PAG1: variants seen among roughly 807,000 people sequenced by gnomAD.
PAG1 encodes phosphoprotein membrane anchor with glycosphingolipid microdomains 1, also known as phosphoprotein associated with glycosphingolipid-enriched microdomains 1.
Under a neutral mutation model 31.7 loss-of-function variants are expected in PAG1, and 23 were observed. The observed-to-expected ratio is 0.73, with a 90% CI of 0.52 to 1.03. The LOEUF is 1.03. PAG1 is among the 50% of genes least tolerant of loss of function. The probability of loss-of-function intolerance (pLI) is 0.00; values close to 1 mark genes in which losing one functional copy is unlikely to be tolerated. For missense variants in PAG1, 473 were observed against 540.7 expected (o/e 0.87, Z 1.24); for synonymous variants, 214 against 210.3 (o/e 1.02, Z -0.15).
At chr8:80,985,434 C>T (rs746514089) in intron 6 of PAG1, 57 bp from the exon 7 acceptor site, 26 of 1,523,144 alleles carry the variant, frequency 1.7e-5, no homozygotes, top group Middle Eastern at 1.9e-4. Flanking sequence ...TAATTATTAC[C>T]GAGAATCAGG....
intron 1 of PAG1, among the ~76,000 whole-genome samples, chr8:81,101,920 C>T (rs144109613): frequency 3.7e-4 from 56 of 152,126 alleles, no homozygotes; most frequent in African/African-American, 1.3e-3. Context: ...ACTCCTAGTA[C>T]ATAATATTAA....
In PAG1 at chr8:81,077,782, A is replaced by G. The variant is rs539950589; in HGVS notation, c.-233-7612T>C. On this transcript the variant is annotated intron_variant, in intron 1 of 8. Coordinates refer to ENST00000220597, the MANE Select transcript of PAG1 (RefSeq NM_018440.4). ...TGAAAATAATATGTAAATTTTGCTG[A>G]AAGCAAAATGTTTAGATTGGTTAGA... 5.3e-5 allele frequency among the ~76,000 whole-genome samples: 8 copies of G among 152,356 alleles called. No individual in the cohort carries two copies. The East Asian group carries it at 1.4e-3, about 26-fold the overall frequency.
intron 2 of PAG1, among the ~76,000 whole-genome samples, chr8:81,049,910 T>C (rs1808700209): frequency 6.6e-6 from 1 of 152,126 alleles, no homozygotes; most frequent in Non-Finnish European, 1.5e-5. Flanking sequence ...TCAGTAAATA[T>C]TTACTGAGTA....
At chr8:80,994,849 T>C (rs1205785825) in intron 3 of PAG1, among the ~76,000 whole-genome samples, 2 of 152,216 alleles carry the variant, frequency 1.3e-5, no homozygotes, top group African/African-American at 2.4e-5. Flanking sequence ...TGAAAAGAAA[T>C]AGCCTTTAAG....
chr8:81,042,046 C>T (rs546972436), intron 2 of PAG1, among the ~76,000 whole-genome samples: 1 of 152,286 alleles, frequency 6.6e-6, no homozygotes, highest in East Asian at 1.9e-4. Flanking sequence ...AAATAAATGA[C>T]ATAGATTAGT....
At chr8:80,992,643 T>G (rs746768826) in intron 4 of PAG1, among the ~76,000 whole-genome samples, 1 of 152,172 alleles carries the variant, frequency 6.6e-6, no homozygotes, top group Non-Finnish European at 1.5e-5. Flanking sequence ...CCTTGGAAAA[T>G]AATCTGTTTC....
chr8:81,005,052 G>T (rs2130620405), intron 3 of PAG1, among the ~76,000 whole-genome samples: 1 of 152,306 alleles, frequency 6.6e-6, no homozygotes, highest in East Asian at 1.9e-4. Flanking sequence ...TGCAAGAGGT[G>T]ACACATGCAT....
chr8:81,022,800 TAGG>T (rs1808213044), intron 3 of PAG1, among the ~76,000 whole-genome samples: 1 of 152,156 alleles, frequency 6.6e-6, no homozygotes. Context: ...CAGGAAATTA[TAGG>T]AGATTTTTCT....
chr8:81,059,131 T>A (rs903774347), intron 2 of PAG1, among the ~76,000 whole-genome samples: 1 of 152,062 alleles, frequency 6.6e-6, no homozygotes, highest in Admixed American at 6.5e-5. Context: ...ACTATACACA[T>A]CCTCCCATGT....
Position 80,969,373 on chromosome 8 carries a change from C to G in PAG1, c.*7171G>C, listed in dbSNP as rs1212037900. 6.6e-6 allele frequency: 1 copy of G among 152,136 alleles called. No homozygotes were observed. The highest frequency in any genetic ancestry group is 1.5e-5 in the Non-Finnish European group (1 of 68,026). 9.4% of individuals were successfully genotyped at this position (152,136 alleles called of 1,614,324 possible). ...CAACCCATAGACTCAGGCTTTTGGTCCCAGCCTCTTCTTCCAGAGAAGGGC... is the reference window on the plus strand; with the variant it reads ...CAACCCATAGACTCAGGCTTTTGGTGCCAGCCTCTTCTTCCAGAGAAGGGC... On this transcript the variant is annotated 3_prime_UTR_variant, in exon 9 of 9. Transcript: ENST00000220597.
At chr8:81,081,337 T>C (rs1177419134) in intron 1 of PAG1, among the ~76,000 whole-genome samples, 1 of 152,138 alleles carries the variant, frequency 6.6e-6, no homozygotes, top group African/African-American at 2.4e-5. Flanking sequence ...CAAGAAATTT[T>C]TAAAAGTTAT....
At chr8:81,008,247 C>T (rs1807920500) in intron 3 of PAG1, among the ~76,000 whole-genome samples, 1 of 152,104 alleles carries the variant, frequency 6.6e-6, no homozygotes, top group Non-Finnish European at 1.5e-5. Flanking sequence ...TTTCTCCAAA[C>T]TCTTCAAAAT....
chr8:81,082,805 G>C (rs1809290782), intron 1 of PAG1, among the ~76,000 whole-genome samples: 1 of 151,986 alleles, frequency 6.6e-6, no homozygotes, highest in South Asian at 2.1e-4. Flanking sequence ...TTTGCATCCA[G>C]CATGTTTAGA....
chr8:81,047,015 G>T (rs533763514), intron 2 of PAG1, among the ~76,000 whole-genome samples: 19 of 152,252 alleles, frequency 1.2e-4, no homozygotes, highest in African/African-American at 4.6e-4. Flanking sequence ...CCCTGCAAAA[G>T]ACATGTTTTC....
At chr8:81,057,547 C>T (rs953765370) in intron 2 of PAG1, among the ~76,000 whole-genome samples, 1 of 137,702 alleles carries the variant, frequency 7.3e-6, no homozygotes, top group Non-Finnish European at 1.5e-5. Flanking sequence ...AGGGGAACAT[C>T]ACACACAGGG....
At chr8:81,039,509 G>C (rs1586181721) in intron 2 of PAG1, 1 of 152,234 alleles carries the variant, frequency 6.6e-6, no homozygotes, top group African/African-American at 2.4e-5. Context: ...ACACGGCCCT[G>C]CCGACGCTGG....
chr8:81,002,825 T>C (rs954379031), intron 3 of PAG1, among the ~76,000 whole-genome samples: 1 of 152,226 alleles, frequency 6.6e-6, no homozygotes, highest in Non-Finnish European at 1.5e-5. Flanking sequence ...ACTGGTGTTA[T>C]TGTGAATTAC....
chr8:81,082,175 C>T (rs1260938130), intron 1 of PAG1, among the ~76,000 whole-genome samples: 3 of 150,090 alleles, frequency 2.0e-5, no homozygotes, highest in Non-Finnish European at 4.4e-5. Context: ...ATTACTTGAA[C>T]CTAGCAGGCA....
At chr8:81,007,074 G>A (rs185606672) in intron 3 of PAG1, among the ~76,000 whole-genome samples, 84 of 152,142 alleles carry the variant, frequency 5.5e-4, no homozygotes, top group African/African-American at 1.6e-3. Flanking sequence ...TCTATGCTAC[G>A]TTTTCACTCT....
Sources: gnomAD v4.1 joint callset for allele counts (sites outside exome capture counted in the v4.1 genomes callset) on GRCh38, gnomAD v4.1.1 for gene constraint, MANE v1.5 for transcripts, NCBI Gene and HGNC (gene_info 2026-07-23, HGNC 2026-07-21) for gene names.